Variants in VPS35L observed in about 807,000 individuals in gnomAD.
The protein encoded by VPS35L is VPS35 endosomal protein sorting factor like, also known as VPS35 endosomal protein-sorting factor-like.
VPS35L carries 83 observed loss-of-function variants against 133.0 expected under a neutral mutation model. The observed-to-expected ratio is 0.62, with a 90% confidence interval of 0.52 to 0.75. The LOEUF is 0.75. Ranked by LOEUF, VPS35L falls within the 30% of genes least tolerant of loss-of-function variation. The pLI, the probability that VPS35L is intolerant of heterozygous loss-of-function variation, is 0.00. For missense variants in VPS35L, 1,083 were observed against 1,206.8 expected, an observed-to-expected ratio of 0.90 and a Z score of 1.52; for synonymous variants, 423 against 449.9, an observed-to-expected ratio of 0.94 and a Z score of 0.76.
chr16:19,557,430 G>C (rs1970896095), intron 1 of VPS35L, among the ~76,000 whole-genome samples: 1 of 152,202 alleles, frequency 6.6e-6, no homozygotes, highest in Middle Eastern at 3.2e-3. Flanking sequence ...GTCTCGCCCA[G>C]GCTTGATTGC....
chr16:19,570,580 G>A (rs1320573865), intron 3 of VPS35L, among the ~76,000 whole-genome samples: 5 of 151,686 alleles, frequency 3.3e-5, no homozygotes, highest in East Asian at 3.9e-4. Flanking sequence ...AGATACTTGC[G>A]ATAGCAGTTT....
chr16:19,597,727 T>A (rs1972262116), intron 8 of VPS35L, among the ~76,000 whole-genome samples: 1 of 152,204 alleles, frequency 6.6e-6, no homozygotes, highest in Non-Finnish European at 1.5e-5. Context: ...TCAGGACTGT[T>A]GAGGCAGCCT....
At chr16:19,631,653 C>T (rs1252034428) in intron 18 of VPS35L, among the ~76,000 whole-genome samples, 1 of 152,208 alleles carries the variant, frequency 6.6e-6, no homozygotes, top group African/African-American at 2.4e-5. Context: ...ATATCTCAGA[C>T]ATTGTATCGT....
intron 14 of VPS35L, among the ~76,000 whole-genome samples, chr16:19,621,258 A>G (rs1221318914): frequency 6.6e-6 from 1 of 152,224 alleles, no homozygotes; most frequent in Non-Finnish European, 1.5e-5. Context: ...AGAATTCTAG[A>G]TAAGAACATC....
At chr16:19,562,843 C>T (rs915695679) in intron 1 of VPS35L, among the ~76,000 whole-genome samples, 46 of 151,960 alleles carry the variant, frequency 3.0e-4, no homozygotes, top group Non-Finnish European at 5.3e-4. Flanking sequence ...CAGTTTTGAG[C>T]CCCTGGATTC....
rs73531928 is a variant in VPS35L at position 19,574,129 on chromosome 16, T to G, written c.408+888T>G. On this transcript the variant is annotated intron_variant, in intron 4 of 30. Transcript: ENST00000417362. ...AGTTGCTTAGAACTAAAGCCCCTGC[T>G]AACATTGTAAACAAGAGTGACCTGT... Among the ~76,000 whole-genome samples, 901 of 152,304 alleles carry G rather than the reference T, an allele frequency of 5.9e-3. 10 individuals carry two copies. Among genetic ancestry groups the G allele is most frequent in the African/African-American group, 0.02 (837 of 41,568 alleles).
chr16:19,666,878 TTCTTTC>T (rs1354478691), intron 26 of VPS35L, among the ~76,000 whole-genome samples: 3 of 91,006 alleles, frequency 3.3e-5, no homozygotes, highest in African/African-American at 1.4e-4. Context: ...ATGTTTTTCT[TTCTTTC>T]TTTCTTTCTT....
At chr16:19,650,652 A>G (rs886952099) in intron 25 of VPS35L, among the ~76,000 whole-genome samples, 193 bp downstream of exon 25, 6 of 152,206 alleles carry the variant, frequency 3.9e-5, no homozygotes, top group African/African-American at 1.4e-4. Flanking sequence ...AGAAATGGTT[A>G]AATGAGTCTG....
At chr16:19,624,312 G>T (rs1197462472) in intron 14 of VPS35L, among the ~76,000 whole-genome samples, 2 of 151,630 alleles carry the variant, frequency 1.3e-5, no homozygotes, top group Non-Finnish European at 2.9e-5. Flanking sequence ...ACTGGGCGCG[G>T]TGGCTCACTC....
chr16:19,647,873 G>C lies in VPS35L; in HGVS notation c.2019G>C (p.Gln673His), dbSNP rs1198013085. The change falls in exon 24 of 31, where the codon CAG becomes CAC. Residue 673 changes from glutamine to histidine, a missense_variant. Coordinates refer to ENST00000417362, the MANE Select transcript of VPS35L (RefSeq NM_020314.7). ...GCAATCTGGAGCCTGTTCTTGTGCA[G>C]TTGATTCATGTAAGTATTTTCATTC... ...MFCNLEPVLV[Q>H]LIHSVNRLAM... The C allele has an allele frequency of 5.6e-6, 9 of 1,610,780 alleles. No homozygotes were observed. Among genetic ancestry groups the C allele is most frequent in the Non-Finnish European group, 6.8e-6 (8 of 1,177,000 alleles).
rs1387151588 is a variant in VPS35L at position 19,568,618 on chromosome 16, AC to A, written c.118-803del. On this transcript the variant is annotated intron_variant, in intron 2 of 30. Transcript: ENST00000417362. ...TATTAGGACAAAAGATGCTCCTATC[AC>A]CCAGGAAATCTCCTAGGGTATTAGG... Among the ~76,000 whole-genome samples, 5 of 152,014 alleles carry A rather than the reference AC, an allele frequency of 3.3e-5. No homozygotes were observed. In the East Asian group the frequency reaches 9.7e-4, roughly 30 times the overall value.
chr16:19,688,536 G>T (rs936361285), intron 28 of VPS35L, among the ~76,000 whole-genome samples: 1 of 152,140 alleles, frequency 6.6e-6, no homozygotes, highest in Non-Finnish European at 1.5e-5. Context: ...AGATATCCAC[G>T]CACTCAGGAC....
At chr16:19,621,949 A>G (rs1201340037) in intron 14 of VPS35L, among the ~76,000 whole-genome samples, 2 of 151,840 alleles carry the variant, frequency 1.3e-5, no homozygotes, top group Non-Finnish European at 2.9e-5. Flanking sequence ...GTGGGCCAGG[A>G]GGTCTCATTT....
intron 12 of VPS35L, among the ~76,000 whole-genome samples, chr16:19,613,275 C>A (rs2151550133): frequency 6.6e-6 from 1 of 152,336 alleles, no homozygotes; most frequent in African/African-American, 2.4e-5. Context: ...TGCACTCCAG[C>A]CTGGGTGACA....
At chr16:19,564,810 T>A in intron 1 of VPS35L, 41 bp from the exon 2 acceptor site, 16 of 1,400,234 alleles carry the variant, frequency 1.1e-5, no homozygotes, top group Non-Finnish European at 1.6e-5. Context: ...GTGTTTTAAG[T>A]ACCCCCATCC....
At chr16:19,643,527 G>T (rs1166422878) in intron 22 of VPS35L, among the ~76,000 whole-genome samples, 2 of 152,150 alleles carry the variant, frequency 1.3e-5, no homozygotes, top group Non-Finnish European at 2.9e-5. Context: ...CCAGCCTGTG[G>T]GCATTGGGGA....
chr16:19,637,700 T>C, intron 20 of VPS35L, 44 bp downstream of exon 20: 3 of 1,340,932 alleles, frequency 2.2e-6, no homozygotes, highest in South Asian at 1.3e-5. Context: ...TGTACCTGGC[T>C]CAGAGGTTCT....
rs201096109 is a variant in VPS35L at position 19,585,575 on chromosome 16, AT to A, written c.639+3932del. ...CACAACCATGCCCAGTTTATTTAAA[AT>A]TTTTTTTTTGTAGAGACAGGGCCAT... On this transcript the variant is annotated intron_variant, in intron 7 of 30. Coordinates refer to ENST00000417362, the MANE Select transcript of VPS35L (RefSeq NM_020314.7). Among the ~76,000 whole-genome samples, 4 of 148,350 alleles carry A rather than the reference AT, an allele frequency of 2.7e-5. No homozygotes were observed. The East Asian group carries it at 7.9e-4, about 29-fold the overall frequency.
intron 29 of VPS35L, among the ~76,000 whole-genome samples, chr16:19,697,075 G>A (rs1026010608): frequency 6.6e-6 from 1 of 152,118 alleles, no homozygotes; most frequent in African/African-American, 2.4e-5. Flanking sequence ...TCGCCAGCCA[G>A]TTTGCGAGTC....
Sources: gnomAD v4.1 joint callset for allele counts (sites outside exome capture counted in the v4.1 genomes callset) on GRCh38, gnomAD v4.1.1 for gene constraint, MANE v1.5 for transcripts, NCBI Gene and HGNC (gene_info 2026-07-23, HGNC 2026-07-21) for gene names.